SIAH3: variants seen among roughly 807,000 people sequenced by gnomAD.
SIAH3 encodes seven in absentia homolog 3.
SIAH3 carries 9 observed loss-of-function variants against 12.6 expected under a neutral mutation model. That is an observed-to-expected ratio of 0.72 (90% CI 0.43 to 1.25). The LOEUF (loss-of-function observed/expected upper bound fraction) is 1.25, where lower values mean the gene tolerates loss of function less well. Among genes scored for constraint, SIAH3 ranks in the 50% most tolerant of loss-of-function variants. The pLI is 0.00. For synonymous variants in SIAH3, 154 were observed against 151.1 expected, an observed-to-expected ratio of 1.02 and a Z score of -0.14; for missense variants, 390 against 365.4, an observed-to-expected ratio of 1.07 and a Z score of -0.55.
chr13:45,838,821 T>C (rs909213323), intron 1 of SIAH3, among the ~76,000 whole-genome samples: 1 of 151,976 alleles, frequency 6.6e-6, no homozygotes, highest in Non-Finnish European at 1.5e-5. Context: ...CTAGGGTCAA[T>C]GTGGACACAG....
At chr13:45,819,964 G>A (rs1263552925) in intron 1 of SIAH3, among the ~76,000 whole-genome samples, 3 of 152,200 alleles carry the variant, frequency 2.0e-5, no homozygotes, top group African/African-American at 4.8e-5. Flanking sequence ...AGTCTGCCTC[G>A]GAGATGGTGC....
In SIAH3 at chr13:45,779,256, C is replaced by T. The variant is rs1053299185; in HGVS notation, c.*4127G>A. On this transcript the variant is annotated 3_prime_UTR_variant, in exon 2 of 2. Transcript: ENST00000400405. Reference sequence around the variant, plus strand: ...GAGTTTTAAGTACTTTTGACCTTTGCTTTAAATATAATTTATTTAATTGTA... The same window carrying T: ...GAGTTTTAAGTACTTTTGACCTTTGTTTTAAATATAATTTATTTAATTGTA... The T allele has an allele frequency of 2.0e-5, 3 of 152,116 alleles. No individual in the cohort carries two copies. In the South Asian group the frequency reaches 6.2e-4, roughly 32 times the overall value. 9.4% of individuals were successfully genotyped at this position (152,116 alleles called of 1,614,324 possible). A position where few individuals can be genotyped will look rare whatever the true frequency, so the allele number is the denominator to read the frequency against.
At chr13:45,794,535 G>A (rs1440006786) in intron 1 of SIAH3, among the ~76,000 whole-genome samples, 1 of 152,104 alleles carries the variant, frequency 6.6e-6, no homozygotes, top group African/African-American at 2.4e-5. Context: ...GGACCCGGTG[G>A]GAGGTAACTG....
chr13:45,838,327 T>A (rs1332782089), intron 1 of SIAH3, among the ~76,000 whole-genome samples: 1 of 152,210 alleles, frequency 6.6e-6, no homozygotes, highest in African/African-American at 2.4e-5. Flanking sequence ...TTCTCTCCGA[T>A]TCTTGGAGAG....
intron 1 of SIAH3, among the ~76,000 whole-genome samples, chr13:45,792,617 T>C (rs6561263): frequency 0.77 from 116,659 of 152,048 alleles, 45,510 homozygotes; most frequent in African/African-American, 0.87. Flanking sequence ...CTTGGCCTCC[T>C]AAAGTGCTAT....
Position 45,826,375 on chromosome 13 carries a change from G to GGGT in SIAH3, c.135+25119_135+25120insACC, listed in dbSNP as rs1566094808. The stretch of plus-strand genomic sequence containing the variant: ...TGGGTGGATGGATGGATGGATGGAT[G>GGGT]AATGAATGGATGGATGGATGGATGG... On this transcript the variant is annotated intron_variant, in intron 1 of 1. Coordinates refer to ENST00000400405, the MANE Select transcript of SIAH3 (RefSeq NM_198849.3). Among the ~76,000 whole-genome samples the GGGT allele has an allele frequency of 2.7e-3, 28 of 10,466 alleles. 7 individuals are homozygous for GGGT. The highest frequency in any genetic ancestry group is 5.9e-3 in the African/African-American group (17 of 2,898). 6.9% of individuals were successfully genotyped at this position (10,466 alleles called of 152,430 possible).
At chr13:45,848,808 C>T (rs1164331230) in intron 1 of SIAH3, among the ~76,000 whole-genome samples, 2 of 152,208 alleles carry the variant, frequency 1.3e-5, no homozygotes, top group African/African-American at 4.8e-5. Context: ...ATTTCATATA[C>T]TGGCCTGTCA....
At chr13:45,819,182 C>T (rs1473724484) in intron 1 of SIAH3, among the ~76,000 whole-genome samples, 1 of 152,172 alleles carries the variant, frequency 6.6e-6, no homozygotes, top group African/African-American at 2.4e-5. Context: ...GGAGCCTGAT[C>T]CCAGATGGCC....
At chr13:45,803,090 C>T (rs914050777) in intron 1 of SIAH3, among the ~76,000 whole-genome samples, 5 of 151,472 alleles carry the variant, frequency 3.3e-5, no homozygotes, top group Non-Finnish European at 4.4e-5. Context: ...AAGGCAGCCG[C>T]AGACTAGAAA....
chr13:45,792,450 T>TG (rs1950548940), intron 1 of SIAH3, among the ~76,000 whole-genome samples: 1 of 151,862 alleles, frequency 6.6e-6, no homozygotes, highest in Non-Finnish European at 1.5e-5. Context: ...CTTCGCCTCC[T>TG]GGGTTCATGC....
At chr13:45,800,031 A>G (rs1939587359) in intron 1 of SIAH3, among the ~76,000 whole-genome samples, 2 of 152,154 alleles carry the variant, frequency 1.3e-5, no homozygotes, top group Admixed American at 6.5e-5. Flanking sequence ...TTGTTTTTAA[A>G]CTTAATTTTT....
chr13:45,828,989 A>C (rs1950689092), intron 1 of SIAH3, among the ~76,000 whole-genome samples: 1 of 152,220 alleles, frequency 6.6e-6, no homozygotes, highest in East Asian at 1.9e-4. Context: ...ACCCTTTTCA[A>C]AGTTTCAAAG....
At chr13:45,831,395 G>A (rs1158996542) in intron 1 of SIAH3, among the ~76,000 whole-genome samples, 1 of 151,900 alleles carries the variant, frequency 6.6e-6, no homozygotes, top group Admixed American at 6.6e-5. Flanking sequence ...AGCAGAAGGG[G>A]GTCATGCGCA....
intron 1 of SIAH3, among the ~76,000 whole-genome samples, chr13:45,801,115 G>A (rs1950580963): frequency 6.6e-6 from 1 of 151,026 alleles, no homozygotes; most frequent in South Asian, 2.1e-4. Flanking sequence ...CATGGCTGTA[G>A]ACGTTGCTAT....
chr13:45,806,111 G>C (rs1015558513), intron 1 of SIAH3, among the ~76,000 whole-genome samples: 1 of 152,166 alleles, frequency 6.6e-6, no homozygotes. Flanking sequence ...TTTATATACT[G>C]TTGGTGGAAA....
intron 1 of SIAH3, among the ~76,000 whole-genome samples, chr13:45,846,039 T>TG (rs968907633): frequency 2.0e-5 from 3 of 147,700 alleles, no homozygotes; most frequent in Non-Finnish European, 4.5e-5. Flanking sequence ...GAAGGCAACC[T>TG]GGGGCAGTGT....
chr13:45,796,309 T>A (rs1950562502), intron 1 of SIAH3, among the ~76,000 whole-genome samples: 1 of 152,068 alleles, frequency 6.6e-6, no homozygotes, highest in South Asian at 2.1e-4. Flanking sequence ...TGTCTTCAGG[T>A]CACTGTTAAA....
At chr13:45,850,383 G>A (rs527654984) in intron 1 of SIAH3, among the ~76,000 whole-genome samples, 3 of 152,130 alleles carry the variant, frequency 2.0e-5, no homozygotes, top group African/African-American at 4.8e-5. Context: ...CAACAGCAGT[G>A]GTCAGAGGGA....
chr13:45,851,033 C>T (rs1308384234), intron 1 of SIAH3, among the ~76,000 whole-genome samples: 1 of 136,722 alleles, frequency 7.3e-6, no homozygotes, highest in Non-Finnish European at 1.6e-5. Context: ...GTCCAAGTCC[C>T]TGTTTCAGGA....
Sources: gnomAD v4.1 joint callset for allele counts (sites outside exome capture counted in the v4.1 genomes callset) on GRCh38, gnomAD v4.1.1 for gene constraint, MANE v1.5 for transcripts, NCBI Gene and HGNC (gene_info 2026-07-23, HGNC 2026-07-21) for gene names.